The following CLIC2 variants were observed in gnomAD, a reference collection of about 807,000 sequenced individuals.
CLIC2 encodes chloride intracellular channel protein 2.
A neutral mutation model predicts 14.8 loss-of-function variants in CLIC2; 9 were observed. The observed-to-expected ratio is 0.61, with a 90% confidence interval of 0.37 to 1.06. The LOEUF (loss-of-function observed/expected upper bound fraction) is 1.06, where lower values mean the gene tolerates loss of function less well. CLIC2 is among the 50% of genes least tolerant of loss of function. The probability of loss-of-function intolerance (pLI) is 0.01; values close to 1 mark genes in which losing one functional copy is unlikely to be tolerated. For missense variants in CLIC2, 148 were observed against 181.4 expected (o/e 0.82, Z 1.06); for synonymous variants, 61 against 66.3 (o/e 0.92, Z 0.39).
At chrX:155,306,577 T>C (rs1254856939) in intron 1 of CLIC2, among the ~76,000 whole-genome samples, 1 of 111,741 alleles carries the variant, frequency 8.9e-6, no homozygotes, top group Non-Finnish European at 1.9e-5. Flanking sequence ...GACTGGATAA[T>C]TTATAAGAAA....
intron 1 of CLIC2, among the ~76,000 whole-genome samples, chrX:155,311,755 T>C (rs1403097108): frequency 1.8e-5 from 2 of 111,989 alleles, no homozygotes; most frequent in Non-Finnish European, 3.8e-5. Flanking sequence ...GGACTCATAG[T>C]TCCTTGTGGC....
rs782274476 is a variant in CLIC2 at position 155,297,847 on chromosome X, G to C, written c.293+938C>G. ...TGCCCTCCAGCCTGGGCGACAGAGCGAGACTCCGGTCTCAAAAAAAAAAAA... is the reference window on the plus strand; with the variant it reads ...TGCCCTCCAGCCTGGGCGACAGAGCCAGACTCCGGTCTCAAAAAAAAAAAA... On this transcript the variant is annotated intron_variant, in intron 3 of 5. Coordinates refer to ENST00000369449, the MANE Select transcript of CLIC2 (RefSeq NM_001289.6). Among the ~76,000 whole-genome samples the C allele has an allele frequency of 2.9e-4, 5 of 16,953 alleles. No homozygotes were observed. In the East Asian group the frequency reaches 8.2e-3, roughly 28 times the overall value. 14.7% of individuals were successfully genotyped at this position (16,953 alleles called of 115,157 possible).
rs1232552023 is a variant in CLIC2, at chrX:155,277,755, G to A, written c.*148C>T. The stretch of plus-strand genomic sequence containing the variant: ...AAAATACAGTGGACAGATTATTTAT[G>A]GCTAATAGAAAATACAGAGTTCCTT... On this transcript the variant is annotated 3_prime_UTR_variant, in exon 6 of 6. Transcript: ENST00000369449. The A allele has an allele frequency of 4.0e-6, 2 of 499,438 alleles. No homozygotes were observed. Among genetic ancestry groups the A allele is most frequent in the Non-Finnish European group, 6.7e-6 (2 of 297,313 alleles). 41.2% of individuals were successfully genotyped at this position (499,438 alleles called of 1,213,427 possible).
chrX:155,299,079 G>C lies in CLIC2; in HGVS notation c.124C>G (p.Leu42Val). Residue 42 changes from leucine (L) to valine (V), a missense_variant, in exon 2 of 6, where the codon CTT becomes GTT. Transcript: ENST00000369449. Reference sequence around the variant, plus strand: ...GTCACATTAAATTTAACTCCTTTAAGCCAGAGGATCATGAAAAGGCGTTGG... The same window carrying C: ...GTCACATTAAATTTAACTCCTTTAACCCAGAGGATCATGAAAAGGCGTTGG... Reference protein sequence around the residue: ...FCQRLFMILWLKGVKFNVTTV... With the variant: ...FCQRLFMILWVKGVKFNVTTV... 1 of 1,209,903 alleles carries C rather than the reference G, an allele frequency of 8.3e-7. No homozygotes were observed. The highest frequency in any genetic ancestry group is 1.8e-5 in the South Asian group (1 of 56,963).
chrX:155,312,029 T>C (rs2075076225), intron 1 of CLIC2, among the ~76,000 whole-genome samples: 2 of 111,648 alleles, frequency 1.8e-5, no homozygotes, highest in Admixed American at 1.9e-4. Context: ...AGCCAAACCA[T>C]ATGATTATTG....
At chrX:155,296,248 A>G (rs1260688869) in intron 3 of CLIC2, among the ~76,000 whole-genome samples, 1 of 111,971 alleles carries the variant, frequency 8.9e-6, no homozygotes, top group East Asian at 2.8e-4. Context: ...AAAGTTCACA[A>G]GAACATTGGG....
At chrX:155,333,750 C>T (rs1248827274) in intron 1 of CLIC2, among the ~76,000 whole-genome samples, 1 of 109,253 alleles carries the variant, frequency 9.2e-6, no homozygotes, top group Non-Finnish European at 1.9e-5. Flanking sequence ...AAAAACAACT[C>T]CATGGCAGAC....
intron 1 of CLIC2, among the ~76,000 whole-genome samples, chrX:155,300,079 T>A (rs1288737443): frequency 2.7e-4 from 29 of 108,960 alleles, no homozygotes; most frequent in Non-Finnish European, 2.1e-4. Flanking sequence ...TATAGTTCTT[T>A]GGGTATATAC....
chrX:155,287,488 C>T (rs781826259), intron 3 of CLIC2, among the ~76,000 whole-genome samples: 1 of 111,079 alleles, frequency 9.0e-6, no homozygotes, highest in Non-Finnish European at 1.9e-5. Context: ...CGTGTGTCAC[C>T]AAGCCTGGCT....
rs1470609040 is a variant in CLIC2, at chrX:155,291,449, T to G, written c.293+7336A>C. ...ATGGGGTTTTCTAGATATGGAATCATGTCGTCTGCAAACAGGGATAGTTTG... is the reference window on the plus strand; with the variant it reads ...ATGGGGTTTTCTAGATATGGAATCAGGTCGTCTGCAAACAGGGATAGTTTG... On this transcript the variant is annotated intron_variant, in intron 3 of 5. Transcript: ENST00000369449. The G allele has an allele frequency of 9.1e-6, 4 of 438,239 alleles. No individual in the cohort carries two copies. The African/African-American group carries it at 9.8e-5, about 11-fold the overall frequency. The allele number at this position is 438,239 out of a possible 1,213,427, so 36.1% of individuals were successfully genotyped here. A position where few individuals can be genotyped will look rare whatever the true frequency, so the allele number is the denominator to read the frequency against.
chrX:155,332,795 G>C (rs1314725067), intron 1 of CLIC2, among the ~76,000 whole-genome samples: 1 of 112,349 alleles, frequency 8.9e-6, no homozygotes, highest in African/African-American at 3.2e-5. Context: ...AATATGAAAA[G>C]TCTATGAAGA....
At chrX:155,304,995 G>A (rs1401837194) in intron 1 of CLIC2, among the ~76,000 whole-genome samples, 2 of 109,988 alleles carry the variant, frequency 1.8e-5, no homozygotes, top group Admixed American at 9.7e-5. Context: ...CTGTCAGACA[G>A]GGACATTTAA....
chrX:155,324,434 A>G (rs1361309965), intron 1 of CLIC2, among the ~76,000 whole-genome samples: 1 of 111,817 alleles, frequency 8.9e-6, no homozygotes. Context: ...CCAATGGAAC[A>G]CAACAGAGAC....
chrX:155,333,295 T>C (rs1557323014), intron 1 of CLIC2, among the ~76,000 whole-genome samples: 1 of 111,470 alleles, frequency 9.0e-6, no homozygotes. Flanking sequence ...CTTTAATGCC[T>C]TAGTTTACCT....
At chrX:155,302,424 T>G (rs1219513265) in intron 1 of CLIC2, among the ~76,000 whole-genome samples, 2 of 110,308 alleles carry the variant, frequency 1.8e-5, no homozygotes, top group African/African-American at 6.6e-5. Flanking sequence ...TCAGTGGTGA[T>G]ATCCCCTTTA....
chrX:155,331,717 TCTCA>T (rs1557322840), intron 1 of CLIC2, among the ~76,000 whole-genome samples: 1 of 111,051 alleles, frequency 9.0e-6, no homozygotes, highest in East Asian at 2.8e-4. Flanking sequence ...TACATCCTCT[TCTCA>T]CTCAGTAAAT....
chrX:155,307,764 C>A (rs2075060912), intron 1 of CLIC2, among the ~76,000 whole-genome samples: 2 of 110,841 alleles, frequency 1.8e-5, no homozygotes, highest in Non-Finnish European at 1.9e-5. Context: ...GTAATCCCAG[C>A]TACTTGGCAG....
At chrX:155,320,908 G>A (rs1557321543) in intron 1 of CLIC2, among the ~76,000 whole-genome samples, 1 of 111,549 alleles carries the variant, frequency 9.0e-6, no homozygotes, top group African/African-American at 3.3e-5. Flanking sequence ...CAAGAACTTC[G>A]TGAAGCATAC....
At chrX:155,293,733 C>T (rs781936229) in intron 3 of CLIC2, among the ~76,000 whole-genome samples, 10 of 111,296 alleles carry the variant, frequency 9.0e-5, no homozygotes, top group Admixed American at 3.8e-4. Context: ...TTCACACAAA[C>T]GGAAACCAAA....
Sources: gnomAD v4.1 joint callset for allele counts (sites outside exome capture counted in the v4.1 genomes callset) on GRCh38, gnomAD v4.1.1 for gene constraint, MANE v1.5 for transcripts, NCBI Gene and HGNC (gene_info 2026-07-23, HGNC 2026-07-21) for gene names.